ADAMTSL1: variants seen among roughly 807,000 people sequenced by gnomAD.
ADAMTSL1 encodes ADAMTS-like protein 1.
In ADAMTSL1, 126 loss-of-function variants were observed where a neutral mutation model predicts 201.8. That is an observed-to-expected ratio of 0.62 (90% CI 0.54 to 0.72). ADAMTSL1 has a LOEUF of 0.72. Among genes scored for constraint, ADAMTSL1 ranks in the 30% least tolerant of loss-of-function variants. The pLI, the probability that ADAMTSL1 is intolerant of heterozygous loss-of-function variation, is 0.00. For missense variants in ADAMTSL1, 2,679 were observed against 2,277.8 expected (o/e 1.18, Z -3.59); for synonymous variants, 1,121 against 903.4 (o/e 1.24, Z -4.32).
At chr9:17,935,072 T>G (rs1282959475) in intron 1 of ADAMTSL1, among the ~76,000 whole-genome samples, 1 of 152,140 alleles carries the variant, frequency 6.6e-6, no homozygotes, top group Admixed American at 6.6e-5. Flanking sequence ...GTAGTCAAAC[T>G]TTCACAGTAT....
intron 1 of ADAMTSL1, among the ~76,000 whole-genome samples, chr9:18,030,690 C>G (rs549290737): frequency 2.6e-5 from 4 of 152,188 alleles, no homozygotes; most frequent in African/African-American, 7.2e-5. Flanking sequence ...ATGAAATTTA[C>G]TAGAGAGAAT....
At chr9:18,711,431 C>G (rs554739290) in intron 14 of ADAMTSL1, among the ~76,000 whole-genome samples, 1 of 151,098 alleles carries the variant, frequency 6.6e-6, no homozygotes, top group Admixed American at 6.6e-5. Context: ...TTGCCTCACT[C>G]GGGAAGCGCA....
At chr9:18,678,803 C>T (rs1830273418) in intron 10 of ADAMTSL1, among the ~76,000 whole-genome samples, 2 of 152,110 alleles carry the variant, frequency 1.3e-5, no homozygotes. Flanking sequence ...GCCTGATATT[C>T]ATCTCCAGAA....
At chr9:18,450,028 A>C (rs917721125) in intron 2 of ADAMTSL1, among the ~76,000 whole-genome samples, 1 of 152,220 alleles carries the variant, frequency 6.6e-6, no homozygotes, top group African/African-American at 2.4e-5. Context: ...CTAGGTATTT[A>C]TACAAGAGAA....
In ADAMTSL1 at chr9:18,777,484, C is replaced by T; in HGVS notation, c.3255C>T (p.Leu1085=). Residue 1085 remains leucine (L), a synonymous_variant, in exon 19 of 29, where the codon CTC becomes CTT. Coordinates refer to ENST00000380548, the MANE Select transcript of ADAMTSL1 (RefSeq NM_001040272.6). ...GCCTGGACGACATCCTGGGGAACCT[C>T]TCCCAGCAGCCCGAGGAGCTGCGCG... The part of the protein sequence containing the change: ...QRRLDDILGN[L]SQQPEELRDL... 1 of 1,594,050 alleles carries T rather than the reference C, an allele frequency of 6.3e-7. No individual in the cohort carries two copies. The highest frequency in any genetic ancestry group is 8.5e-7 in the Non-Finnish European group (1 of 1,170,636).
At position 18,045,654 on chromosome 9, in the gene ADAMTSL1, G is replaced by A. The variant is rs933756041; in HGVS notation, c.88-118208G>A. Among the ~76,000 whole-genome samples, 9 of 151,040 alleles carry A rather than the reference G, an allele frequency of 6.0e-5. No individual in the cohort carries two copies. The South Asian group carries it at 6.4e-4, about 11-fold the overall frequency. On this transcript the variant is annotated intron_variant, in intron 1 of 29. Transcript: ENST00000680146. ...CATATAGTGATAGGCCATAGCTTTC[G>A]GCAGTGAATTTAACTCTATTTTACC... is the stretch of plus-strand genomic sequence containing the variant.
chr9:18,370,304 G>C (rs1254727151), intron 2 of ADAMTSL1, among the ~76,000 whole-genome samples: 2 of 151,710 alleles, frequency 1.3e-5, no homozygotes, highest in Non-Finnish European at 2.9e-5. Flanking sequence ...GAGGCACTGG[G>C]GACTCCAAAG....
At chr9:18,806,781 A>G (rs572100153) in intron 20 of ADAMTSL1, among the ~76,000 whole-genome samples, 1 of 152,184 alleles carries the variant, frequency 6.6e-6, no homozygotes, top group Non-Finnish European at 1.5e-5. Flanking sequence ...CTGTCTCTCC[A>G]GAGGTCCTCA....
intron 1 of ADAMTSL1, among the ~76,000 whole-genome samples, chr9:18,157,128 G>A (rs753329691): frequency 1.3e-5 from 2 of 151,944 alleles, no homozygotes; most frequent in Non-Finnish European, 2.9e-5. Context: ...TCATTTCAGT[G>A]TCTGTGTTCA....
chr9:18,718,848 T>G (rs927538537), intron 14 of ADAMTSL1, among the ~76,000 whole-genome samples: 1 of 152,244 alleles, frequency 6.6e-6, no homozygotes, highest in Non-Finnish European at 1.5e-5. Flanking sequence ...GTTGACCCAA[T>G]TTCATAAGGT....
chr9:18,317,423 C>T (rs1003573581), intron 2 of ADAMTSL1, among the ~76,000 whole-genome samples: 14 of 148,740 alleles, frequency 9.4e-5, no homozygotes, highest in African/African-American at 2.5e-4. Flanking sequence ...CACACACACA[C>T]GTACATGAGC....
chr9:18,191,493 A>G (rs1164252403), intron 2 of ADAMTSL1, among the ~76,000 whole-genome samples: 4 of 152,164 alleles, frequency 2.6e-5, no homozygotes, highest in Admixed American at 6.5e-5. Context: ...AAGGAACCTC[A>G]CAAGTTCAGC....
chr9:18,163,573 C>T (rs1363005926), intron 1 of ADAMTSL1, among the ~76,000 whole-genome samples: 1 of 151,870 alleles, frequency 6.6e-6, no homozygotes, highest in Non-Finnish European at 1.5e-5. Context: ...AGGAGCCTGA[C>T]CATATTGGAC....
intron 3 of ADAMTSL1, among the ~76,000 whole-genome samples, chr9:18,548,535 G>C (rs1820610151): frequency 6.6e-6 from 1 of 152,022 alleles, no homozygotes; most frequent in South Asian, 2.1e-4. Flanking sequence ...ATCTCTACAA[G>C]GAGTGTTTAA....
chr9:18,194,230 A>G (rs548653524), intron 2 of ADAMTSL1, among the ~76,000 whole-genome samples: 44 of 152,214 alleles, frequency 2.9e-4, no homozygotes, highest in African/African-American at 9.4e-4. Context: ...AGCATATTAA[A>G]CCCTGAGAAT....
At chr9:18,297,384 G>A (rs1312493694) in intron 2 of ADAMTSL1, among the ~76,000 whole-genome samples, 4 of 146,848 alleles carry the variant, frequency 2.7e-5, no homozygotes, top group African/African-American at 1.0e-4. Flanking sequence ...TTTTTTTTAA[G>A]TCCTGAAAAT....
At chr9:18,607,764 T>A (rs1825121604) in intron 4 of ADAMTSL1, among the ~76,000 whole-genome samples, 1 of 151,812 alleles carries the variant, frequency 6.6e-6, no homozygotes, top group African/African-American at 2.4e-5. Context: ...AGTGCGATGT[T>A]CCCCTTCCTG....
intron 1 of ADAMTSL1, among the ~76,000 whole-genome samples, chr9:18,051,044 G>A (rs1173746845): frequency 6.6e-6 from 1 of 152,322 alleles, no homozygotes; most frequent in East Asian, 1.9e-4. Flanking sequence ...GCTCACGCCT[G>A]TAATCCCAGC....
rs565329300 is a variant in ADAMTSL1 at position 18,312,862 on chromosome 9, A to G, written c.207+148881A>G. Among the ~76,000 whole-genome samples the G allele has an allele frequency of 7.9e-5, 12 of 152,292 alleles. No homozygotes were observed. In the East Asian group the frequency reaches 2.1e-3, roughly 27 times the overall value. On this transcript the variant is annotated intron_variant, in intron 2 of 29. Transcript: ENST00000680146. Reference sequence around the variant, plus strand: ...GGAAAGAGTGTTTTTAATGATATTTATATGAATGATGTGCTGCTTCTGGCC... The same window carrying G: ...GGAAAGAGTGTTTTTAATGATATTTGTATGAATGATGTGCTGCTTCTGGCC...
Sources: gnomAD v4.1 joint callset for allele counts (sites outside exome capture counted in the v4.1 genomes callset) on GRCh38, gnomAD v4.1.1 for gene constraint, MANE v1.5 for transcripts, NCBI Gene and HGNC (gene_info 2026-07-23, HGNC 2026-07-21) for gene names.